The following ADGRV1 variants were observed in gnomAD, a reference collection of about 807,000 sequenced individuals.
ADGRV1 encodes the protein adhesion G protein-coupled receptor V1.
A neutral mutation model predicts 596.2 loss-of-function variants in ADGRV1; 359 were observed. That is an observed-to-expected ratio of 0.60 (90% CI 0.55 to 0.66). The LOEUF is 0.66. Ranked by LOEUF, ADGRV1 falls within the 30% of genes least tolerant of loss-of-function variation. The probability of loss-of-function intolerance (pLI) is 0.00; values close to 1 mark genes in which losing one functional copy is unlikely to be tolerated. For synonymous variants in ADGRV1, 2,681 were observed against 2,679.2 expected (o/e 1.00, Z -0.02); for missense variants, 7,274 against 7,575.6 (o/e 0.96, Z 1.48).
rs148932387 is a variant in ADGRV1, at chr5:90,694,040, T to C, written c.7284T>C (p.Asn2428=). ...VPDPLWRTWM[N]VSAVGEPLYT... is the part of the protein sequence containing the mutation. Reference sequence around the variant, plus strand: ...ACCCACTTTGGAGAACTTGGATGAATGTCTCTGCCGTGGGGGAGCCCCTGT... The same window carrying C: ...ACCCACTTTGGAGAACTTGGATGAACGTCTCTGCCGTGGGGGAGCCCCTGT... The change falls in exon 33 of 90, where the codon AAT becomes AAC. Residue 2428 remains asparagine, a synonymous_variant. Coordinates refer to ENST00000405460, the MANE Select transcript of ADGRV1 (RefSeq NM_032119.4). 713 of 1,613,798 alleles carry C rather than the reference T, an allele frequency of 4.4e-4. 7 individuals are homozygous for C. In the African/African-American group the frequency reaches 8.8e-3, roughly 20 times the overall value.
At chr5:91,088,271 G>A (rs1213907378) in intron 86 of ADGRV1, among the ~76,000 whole-genome samples, 1 of 152,052 alleles carries the variant, frequency 6.6e-6, no homozygotes, top group African/African-American at 2.4e-5. Context: ...TCCAAGACAT[G>A]TGATTTCCTT....
intron 84 of ADGRV1, among the ~76,000 whole-genome samples, chr5:90,982,146 G>C (rs989382956): frequency 6.6e-6 from 1 of 152,112 alleles, no homozygotes; most frequent in Non-Finnish European, 1.5e-5. Flanking sequence ...TTTCTTAAAG[G>C]TATGTATAGG....
At chr5:90,725,693 C>G (rs764723284) in intron 48 of ADGRV1, 37 bp downstream of exon 48, 19 of 1,071,964 alleles carry the variant, frequency 1.8e-5, no homozygotes, top group Non-Finnish European at 2.7e-5. Context: ...TTTTTTTTTG[C>G]TTTTCTTTTT....
chr5:90,631,573 C>T (rs970397576), intron 9 of ADGRV1, among the ~76,000 whole-genome samples: 1 of 152,148 alleles, frequency 6.6e-6, no homozygotes, highest in Non-Finnish European at 1.5e-5. Context: ...TCTTGCGTCT[C>T]CTCCAAGCGG....
At chr5:91,025,197 AC>A (rs949342114) in intron 85 of ADGRV1, among the ~76,000 whole-genome samples, 9 of 152,028 alleles carry the variant, frequency 5.9e-5, no homozygotes, top group African/African-American at 1.9e-4. Context: ...TTTTCTGCTT[AC>A]TCTTTCTCTT....
At chr5:90,823,197 G>T (rs1029542452) in intron 75 of ADGRV1, among the ~76,000 whole-genome samples, 4 of 152,142 alleles carry the variant, frequency 2.6e-5, no homozygotes, top group Non-Finnish European at 4.4e-5. Flanking sequence ...GTTGAATGGA[G>T]TGTATTCAAA....
chr5:91,064,158 G>T (rs543908598), intron 85 of ADGRV1, among the ~76,000 whole-genome samples: 1 of 152,150 alleles, frequency 6.6e-6, no homozygotes, highest in Admixed American at 6.5e-5. Flanking sequence ...AAATCAATAA[G>T]CATTTCTTAA....
chr5:90,656,185 G>A (rs17621038), intron 20 of ADGRV1, among the ~76,000 whole-genome samples: 9,672 of 152,202 alleles, frequency 0.064, 417 homozygotes, highest in Non-Finnish European at 0.091. Flanking sequence ...AGTCATAGAA[G>A]CAAAGTGCTT....
At chr5:90,661,980 C>A (rs1240471604) in intron 21 of ADGRV1, among the ~76,000 whole-genome samples, 2 of 152,034 alleles carry the variant, frequency 1.3e-5, no homozygotes, top group African/African-American at 4.8e-5. Context: ...GGACATTATT[C>A]CTGACTCAGG....
chr5:91,115,648 A>C (rs1225467556), intron 87 of ADGRV1, among the ~76,000 whole-genome samples: 1 of 152,194 alleles, frequency 6.6e-6, no homozygotes. Context: ...GAAATAAAAC[A>C]ATAGGGAAAA....
chr5:90,899,303 G>C (rs1310729614), intron 83 of ADGRV1: 2 of 152,160 alleles, frequency 1.3e-5, no homozygotes, highest in Non-Finnish European at 2.9e-5. Context: ...CCTGTAATGA[G>C]GATACACTGC....
chr5:90,959,195 C>A (rs1025122233), intron 83 of ADGRV1, among the ~76,000 whole-genome samples: 4 of 151,706 alleles, frequency 2.6e-5, no homozygotes, highest in African/African-American at 9.7e-5. Context: ...TTCTATGTGT[C>A]AGGAAGGAAT....
intron 70 of ADGRV1, among the ~76,000 whole-genome samples, chr5:90,797,712 A>G (rs1386549582): frequency 6.6e-6 from 1 of 152,192 alleles, no homozygotes; most frequent in Non-Finnish European, 1.5e-5. Flanking sequence ...TCTAAAATTG[A>G]CCACATAATT....
chr5:90,690,758 T>C, intron 30 of ADGRV1, 39 bp from the exon 31 acceptor site: 1 of 1,566,344 alleles, frequency 6.4e-7, no homozygotes, highest in Non-Finnish European at 8.7e-7. Flanking sequence ...TCTGTTTCAC[T>C]TTGTATTTGA....
intron 86 of ADGRV1, among the ~76,000 whole-genome samples, chr5:91,079,339 G>T (rs1789134065): frequency 6.6e-6 from 1 of 152,162 alleles, no homozygotes; most frequent in Non-Finnish European, 1.5e-5. Context: ...CAATAGTGGT[G>T]GGGGAAATCC....
chr5:90,818,859 T>C (rs1045999318), intron 75 of ADGRV1, among the ~76,000 whole-genome samples: 4 of 149,482 alleles, frequency 2.7e-5, no homozygotes, highest in African/African-American at 9.8e-5. Context: ...TCATCAAGGA[T>C]ATTGGTCTAA....
At chr5:90,803,796 TTTG>T (rs1369942858) in intron 71 of ADGRV1, among the ~76,000 whole-genome samples, 1 of 152,158 alleles carries the variant, frequency 6.6e-6, no homozygotes, top group Non-Finnish European at 1.5e-5. Flanking sequence ...TGCTTTGAAT[TTTG>T]TTGTCTTCTT....
At chr5:90,731,850 A>G (rs1038531193) in intron 50 of ADGRV1, among the ~76,000 whole-genome samples, 1 of 152,206 alleles carries the variant, frequency 6.6e-6, no homozygotes, top group African/African-American at 2.4e-5. Flanking sequence ...TGACAGCAAT[A>G]TACTCATTAT....
At chr5:91,036,486 C>T (rs945796449) in intron 85 of ADGRV1, among the ~76,000 whole-genome samples, 1 of 148,400 alleles carries the variant, frequency 6.7e-6, no homozygotes, top group African/African-American at 2.5e-5. Flanking sequence ...GGCGTGAACC[C>T]GGGAGGCGGA....
Sources: gnomAD v4.1 joint callset for allele counts (sites outside exome capture counted in the v4.1 genomes callset) on GRCh38, gnomAD v4.1.1 for gene constraint, MANE v1.5 for transcripts, NCBI Gene and HGNC (gene_info 2026-07-23, HGNC 2026-07-21) for gene names.